The following ANKIB1 variants were observed in gnomAD, a reference collection of about 807,000 sequenced individuals.
The protein encoded by ANKIB1 is ankyrin repeat and IBR domain-containing protein 1.
In ANKIB1, 43 loss-of-function variants were observed where a neutral mutation model predicts 122.1. The ratio of observed to expected loss-of-function variants is 0.35; its 90% CI spans 0.28 to 0.45. The LOEUF (loss-of-function observed/expected upper bound fraction) is 0.45, where lower values mean the gene tolerates loss of function less well. Among genes scored for constraint, ANKIB1 ranks in the 20% least tolerant of loss-of-function variants. ANKIB1 has a pLI of 1.00. For synonymous variants in ANKIB1, 390 were observed against 442.0 expected (o/e 0.88, Z 1.48); for missense variants, 992 against 1,329.5 (o/e 0.75, Z 3.95).
intron 2 of ANKIB1, among the ~76,000 whole-genome samples, chr7:92,306,975 G>A (rs1360476311): frequency 6.6e-6 from 1 of 152,098 alleles, no homozygotes; most frequent in Non-Finnish European, 1.5e-5. Flanking sequence ...AAAAATTAGT[G>A]TGGAATGCTT....
intron 2 of ANKIB1, among the ~76,000 whole-genome samples, chr7:92,300,371 T>A (rs1196953785): frequency 6.6e-6 from 1 of 152,206 alleles, no homozygotes; most frequent in Non-Finnish European, 1.5e-5. Flanking sequence ...TTTTTTCTTT[T>A]CTGGTTTGAA....
chr7:92,360,377 T>C (rs2115596400), intron 9 of ANKIB1, among the ~76,000 whole-genome samples: 2 of 152,314 alleles, frequency 1.3e-5, no homozygotes, highest in East Asian at 3.9e-4. Context: ...TAAGGCTCAT[T>C]CATAGTGTAG....
intron 11 of ANKIB1, among the ~76,000 whole-genome samples, chr7:92,375,367 A>T (rs190804432): frequency 6.6e-5 from 10 of 152,346 alleles, no homozygotes; most frequent in Admixed American, 3.3e-4. Flanking sequence ...TTAAAGTTAA[A>T]GTCAGTTCTC....
chr7:92,381,017 T>G (rs1283894908), intron 11 of ANKIB1, among the ~76,000 whole-genome samples: 1 of 152,112 alleles, frequency 6.6e-6, no homozygotes, highest in Non-Finnish European at 1.5e-5. Context: ...GAAAAAAGAT[T>G]AGATGAATGG....
At chr7:92,352,842 A>G (rs1803695611) in intron 9 of ANKIB1, among the ~76,000 whole-genome samples, 200 bp downstream of exon 9, 1 of 152,164 alleles carries the variant, frequency 6.6e-6, no homozygotes, top group Non-Finnish European at 1.5e-5. Context: ...GCTATTTTTT[A>G]CATATTGAAT....
Position 92,386,564 on chromosome 7 carries a change from C to A in ANKIB1, c.1673C>A (p.Ser558Tyr). The A allele has an allele frequency of 6.2e-7, 1 of 1,605,868 alleles. No homozygotes were observed. The highest frequency in any genetic ancestry group is 8.5e-7 in the Non-Finnish European group (1 of 1,176,262). Reference protein sequence around the residue: ...CLEEWKKHSSSTGGYYRCTRY... With the variant: ...CLEEWKKHSSYTGGYYRCTRY... Reference sequence around the variant, plus strand: ...GAAGAGTGGAAAAAACATAGTTCGTCCACTGGAGGTTATTACAGATGTACT... The same window carrying A: ...GAAGAGTGGAAAAAACATAGTTCGTACACTGGAGGTTATTACAGATGTACT... The change falls in exon 12 of 20, where the codon TCC becomes TAC. Residue 558 changes from serine (S) to tyrosine (Y), a missense_variant. Ser to Tyr is a moderately radical substitution (Grantham distance 144). Coordinates refer to ENST00000265742, the MANE Select transcript of ANKIB1 (RefSeq NM_019004.2).
chr7:92,276,676 G>A (rs935110830), intron 1 of ANKIB1, among the ~76,000 whole-genome samples: 1 of 152,206 alleles, frequency 6.6e-6, no homozygotes, highest in African/African-American at 2.4e-5. Flanking sequence ...GGTGGCTTCC[G>A]CCTTCAGTTT....
At chr7:92,337,485 T>C (rs1277811800) in intron 5 of ANKIB1, among the ~76,000 whole-genome samples, 1 of 152,214 alleles carries the variant, frequency 6.6e-6, no homozygotes, top group African/African-American at 2.4e-5. Context: ...GATACATTGG[T>C]ATTATAAATT....
intron 7 of ANKIB1, chr7:92,347,975 A>G (rs923174976): frequency 8.9e-6 from 4 of 448,060 alleles, no homozygotes; most frequent in Admixed American, 4.9e-5. Context: ...GAGCCTACCT[A>G]TGATATCATC....
chr7:92,384,723 A>G (rs1173420960), intron 11 of ANKIB1, among the ~76,000 whole-genome samples: 4 of 152,162 alleles, frequency 2.6e-5, no homozygotes, highest in Non-Finnish European at 4.4e-5. Flanking sequence ...TACACCTTAT[A>G]CAAAAATTAA....
intron 1 of ANKIB1, among the ~76,000 whole-genome samples, chr7:92,278,675 T>G (rs1319003149): frequency 6.6e-6 from 1 of 152,226 alleles, no homozygotes; most frequent in Non-Finnish European, 1.5e-5. Context: ...AAAGACACAT[T>G]ATATTCAGGA....
At position 92,296,225 on chromosome 7, in the gene ANKIB1, A is replaced by AT. The variant is rs56718705; in HGVS notation, c.188+1070dup. On this transcript the variant is annotated intron_variant, in intron 2 of 19. Coordinates refer to ENST00000265742, the MANE Select transcript of ANKIB1 (RefSeq NM_019004.2). Reference sequence around the variant, plus strand: ...CTCTCCCTTTTCCCTCTCTTACCTAATTTTTTTTTTTAATAGAAACGGTGT... The same window carrying AT: ...CTCTCCCTTTTCCCTCTCTTACCTAATTTTTTTTTTTTAATAGAAACGGTGT... 3.2e-3 allele frequency among the ~76,000 whole-genome samples: 468 copies of AT among 146,722 alleles called. 3 individuals are homozygous for AT. Among genetic ancestry groups the AT allele is most frequent in the African/African-American group, 9.5e-3 (381 of 40,198 alleles).
intron 1 of ANKIB1, among the ~76,000 whole-genome samples, chr7:92,275,086 C>T (rs915219564): frequency 6.6e-6 from 1 of 152,150 alleles, no homozygotes; most frequent in African/African-American, 2.4e-5. Context: ...TTTGCTTACT[C>T]AATTTAGCTT....
At chr7:92,364,682 G>A (rs574651209) in intron 10 of ANKIB1, among the ~76,000 whole-genome samples, 1 of 152,324 alleles carries the variant, frequency 6.6e-6, no homozygotes, top group African/African-American at 2.4e-5. Flanking sequence ...TTGCCAGATT[G>A]TGAGTGTTAT....
chr7:92,372,828 A>G (rs1399212619), intron 11 of ANKIB1, among the ~76,000 whole-genome samples: 1 of 152,014 alleles, frequency 6.6e-6, no homozygotes, highest in Non-Finnish European at 1.5e-5. Flanking sequence ...TTTTTGCTTT[A>G]TCATTAGAAA....
chr7:92,253,460 G>A (rs944986502), intron 1 of ANKIB1, among the ~76,000 whole-genome samples: 1 of 152,054 alleles, frequency 6.6e-6, no homozygotes, highest in South Asian at 2.1e-4. Flanking sequence ...CATTGTCCTC[G>A]CCTCTAGGCT....
chr7:92,333,635 G>A (rs1220521072), intron 5 of ANKIB1, among the ~76,000 whole-genome samples: 1 of 152,146 alleles, frequency 6.6e-6, no homozygotes, highest in South Asian at 2.1e-4. Flanking sequence ...TAGACTGTAA[G>A]TTCCATGGAG....
intron 5 of ANKIB1, among the ~76,000 whole-genome samples, chr7:92,342,454 G>T (rs1055702875): frequency 1.3e-5 from 2 of 151,992 alleles, no homozygotes; most frequent in Non-Finnish European, 2.9e-5. Flanking sequence ...ATTTTTTTTA[G>T]TTAAGCCAGG....
At chr7:92,366,338 A>T (rs1446127075) in intron 10 of ANKIB1, among the ~76,000 whole-genome samples, 1 of 152,044 alleles carries the variant, frequency 6.6e-6, no homozygotes, top group African/African-American at 2.4e-5. Flanking sequence ...GCACTAAGTG[A>T]TACACTGGCC....
Sources: gnomAD v4.1 joint callset for allele counts (sites outside exome capture counted in the v4.1 genomes callset) on GRCh38, gnomAD v4.1.1 for gene constraint, MANE v1.5 for transcripts, NCBI Gene and HGNC (gene_info 2026-07-23, HGNC 2026-07-21) for gene names.